Variants in USP13 observed in about 807,000 individuals in gnomAD.
USP13 encodes ubiquitin specific peptidase 13, also known as ubiquitin carboxyl-terminal hydrolase 13.
Under a neutral mutation model 107.8 loss-of-function variants are expected in USP13, and 68 were observed. That is an observed-to-expected ratio of 0.63 (90% CI 0.52 to 0.77). The LOEUF (loss-of-function observed/expected upper bound fraction) is 0.77. Ranked by LOEUF, USP13 falls within the 30% of genes least tolerant of loss-of-function variation. USP13 has a pLI of 0.00. For missense variants in USP13, 945 were observed against 1,093.3 expected (o/e 0.86, Z 1.91); for synonymous variants, 377 against 389.5 (o/e 0.97, Z 0.38).
rs2108422144 is a variant in USP13 at position 179,653,229 on chromosome 3, C to CA, written c.5dup (p.Arg3AlafsTer57). On this transcript the variant is annotated frameshift_variant, in exon 1 of 21. Coordinates refer to ENST00000263966, the MANE Select transcript of USP13 (RefSeq NM_003940.3). LOFTEE classifies it high-confidence loss of function. This position sits in a 1 kb window ranked among gnomAD's most constrained non-coding sequence, Gnocchi z 4.0. ...GGCTCCGGTGCGCGCCGAGGCCATGCAGCGCCGGGGCGCCCTGTTCGGCAT... is the reference window on the plus strand; with the variant it reads ...GGCTCCGGTGCGCGCCGAGGCCATGCAAGCGCCGGGGCGCCCTGTTCGGCAT... 6.5e-7 allele frequency: 1 copy of CA among 1,540,322 alleles called. No individual in the cohort carries two copies. The highest frequency in any genetic ancestry group is 2.0e-5 in the Admixed American group (1 of 50,588).
chr3:179,688,485 A>C (rs915411237), intron 2 of USP13, among the ~76,000 whole-genome samples: 1 of 152,234 alleles, frequency 6.6e-6, no homozygotes, highest in African/African-American at 2.4e-5. Context: ...TCTGAGCTCC[A>C]GCATAGAATC....
chr3:179,781,213 C>T (rs1715736214), intron 19 of USP13, among the ~76,000 whole-genome samples: 1 of 152,190 alleles, frequency 6.6e-6, no homozygotes, highest in African/African-American at 2.4e-5. Flanking sequence ...AAATCTTGCA[C>T]AAAGCATTAT....
chr3:179,710,244 C>T (rs1712873615), intron 6 of USP13, among the ~76,000 whole-genome samples: 1 of 152,236 alleles, frequency 6.6e-6, no homozygotes, highest in Non-Finnish European at 1.5e-5. Context: ...AGGGTTACAG[C>T]GCGGTGTTTA....
In USP13 at chr3:179,721,619, G is replaced by T; in HGVS notation, c.1088+30G>T. 1 of 1,605,538 alleles carries T rather than the reference G, an allele frequency of 6.2e-7. No homozygotes were observed. The highest frequency in any genetic ancestry group is 8.5e-7 in the Non-Finnish European group (1 of 1,176,184). ...GTGCCTTCCATGCAGACCAGGGCAC[G>T]CGGCACCTCCCTGCCCCATCTAGGT... On this transcript the variant is annotated intron_variant, in intron 8 of 20. Transcript: ENST00000263966. The surrounding 1 kb of genome is among the most constrained non-coding windows in gnomAD (Gnocchi z 4.3).
intron 19 of USP13, among the ~76,000 whole-genome samples, chr3:179,767,956 A>G (rs1293130848): frequency 3.9e-5 from 6 of 152,228 alleles, no homozygotes; most frequent in Non-Finnish European, 5.9e-5. Context: ...AACTGTTTCA[A>G]TGCCAACTGG....
Position 179,654,715 on chromosome 3 carries a change from C to G in USP13, c.168+1322C>G, listed in dbSNP as rs1409987763. ...ATGTATTTTATTCATAGCATGTGGA[C>G]TATTGTCAGAGGGGAAAAGAAAAGT... On this transcript the variant is annotated intron_variant, in intron 1 of 20. Coordinates refer to ENST00000263966, the MANE Select transcript of USP13 (RefSeq NM_003940.3). Among the ~76,000 whole-genome samples the G allele has an allele frequency of 3.3e-5, 5 of 152,234 alleles. No homozygotes were observed. The East Asian group carries it at 9.6e-4, about 29-fold the overall frequency.
intron 17 of USP13, among the ~76,000 whole-genome samples, chr3:179,763,688 G>T (rs1715077809): frequency 6.6e-6 from 1 of 152,160 alleles, no homozygotes. Flanking sequence ...TTGGGTTCAA[G>T]CGATTCTTGT....
intron 1 of USP13, among the ~76,000 whole-genome samples, chr3:179,674,341 C>T (rs1347188975): frequency 6.6e-6 from 1 of 152,182 alleles, no homozygotes; most frequent in Non-Finnish European, 1.5e-5. Context: ...GAGCTTTGAA[C>T]TAGTCATGTG....
intron 16 of USP13, among the ~76,000 whole-genome samples, chr3:179,760,130 G>A (rs535179916): frequency 8.1e-4 from 123 of 151,922 alleles, no homozygotes; most frequent in African/African-American, 2.8e-3. Flanking sequence ...CTCCTCTTTT[G>A]GTGTAATTTG....
At chr3:179,724,275 T>A (rs1484000556) in intron 8 of USP13, among the ~76,000 whole-genome samples, 3 of 151,114 alleles carry the variant, frequency 2.0e-5, no homozygotes, top group African/African-American at 4.9e-5. Flanking sequence ...CTGGCCAACA[T>A]GGTGAAACCC....
chr3:179,764,990 C>T (rs1390227698), intron 18 of USP13, among the ~76,000 whole-genome samples: 1 of 152,122 alleles, frequency 6.6e-6, no homozygotes, highest in Non-Finnish European at 1.5e-5. Flanking sequence ...GGGGTACTTT[C>T]TTGTGCTCCA....
At chr3:179,658,235 G>T (rs749861675) in intron 1 of USP13, among the ~76,000 whole-genome samples, 3 of 152,220 alleles carry the variant, frequency 2.0e-5, no homozygotes, top group South Asian at 4.1e-4. Context: ...ATTACAGGCG[G>T]GAGCCACTGC....
In USP13 at chr3:179,731,830, T is replaced by A. The variant is rs114099462; in HGVS notation, c.1254+1121T>A. Reference sequence around the variant, plus strand: ...CCTGCTCTGGCTTCCTAGTATCCTGTCTTGACTTACTGGGCAGGCTCGTTC... The same window carrying A: ...CCTGCTCTGGCTTCCTAGTATCCTGACTTGACTTACTGGGCAGGCTCGTTC... On this transcript the variant is annotated intron_variant, in intron 10 of 20. Transcript: ENST00000263966. 4.6e-3 allele frequency among the ~76,000 whole-genome samples: 699 copies of A among 152,292 alleles called. 6 individuals carry two copies. Among genetic ancestry groups the A allele is most frequent in the African/African-American group, 0.016 (667 of 41,566 alleles).
intron 1 of USP13, among the ~76,000 whole-genome samples, chr3:179,658,469 G>GT (rs1720356071): frequency 6.6e-6 from 1 of 152,190 alleles, no homozygotes; most frequent in South Asian, 2.1e-4. Context: ...AAGTGGAGCT[G>GT]TTTATGCCTT....
chr3:179,657,499 C>T (rs1720301952), intron 1 of USP13, among the ~76,000 whole-genome samples: 2 of 151,652 alleles, frequency 1.3e-5, no homozygotes, highest in Admixed American at 6.6e-5. Context: ...GCTGTGGCTC[C>T]CACCTGTAAT....
intron 1 of USP13, among the ~76,000 whole-genome samples, chr3:179,660,898 G>A (rs1381781584): frequency 6.6e-6 from 1 of 152,134 alleles, no homozygotes; most frequent in East Asian, 1.9e-4. Context: ...AGTTGTTCTC[G>A]AGCAGTGATT....
At chr3:179,733,108 T>C (rs2108506414) in intron 10 of USP13, among the ~76,000 whole-genome samples, 1 of 152,288 alleles carries the variant, frequency 6.6e-6, no homozygotes, top group African/African-American at 2.4e-5. Context: ...TCCGGTCCCT[T>C]TGTGACTCAT....
In USP13 at chr3:179,714,870, C is replaced by CAT. The variant is rs1713054033; in HGVS notation, c.806-5070_806-5069insAT. Among the ~76,000 whole-genome samples, 3 of 137,474 alleles carry CAT rather than the reference C, an allele frequency of 2.2e-5. No homozygotes were observed. The Admixed American group carries it at 2.3e-4, about 10-fold the overall frequency. The allele number at this position is 137,474 out of a possible 152,430, so 90.2% of individuals were successfully genotyped here. On this transcript the variant is annotated intron_variant, in intron 6 of 20. Transcript: ENST00000263966. ...GGCGGTTCTCTTTCTTTTCCTTTTT[C>CAT]TTTTTTTTTTTTTTGTTTGAGGCAG...
intron 6 of USP13, among the ~76,000 whole-genome samples, chr3:179,714,357 G>T (rs1435707752): frequency 6.6e-6 from 1 of 152,172 alleles, no homozygotes; most frequent in African/African-American, 2.4e-5. Flanking sequence ...CCAGCCCCAG[G>T]GTTTGGAATC....
Sources: gnomAD v4.1 joint callset for allele counts (sites outside exome capture counted in the v4.1 genomes callset) on GRCh38, gnomAD v4.1.1 for gene constraint, Gnocchi (gnomAD v3.1) non-coding constraint, MANE v1.5 for transcripts, NCBI Gene and HGNC (gene_info 2026-07-23, HGNC 2026-07-21) for gene names.